Variants in ZFYVE1 observed in about 807,000 individuals in gnomAD.
ZFYVE1 encodes zinc finger FYVE domain-containing protein 1.
A neutral mutation model predicts 74.4 loss-of-function variants in ZFYVE1; 30 were observed. That is an observed-to-expected ratio of 0.40 (90% CI 0.30 to 0.55). ZFYVE1 has a LOEUF of 0.55. Ranked by LOEUF, ZFYVE1 falls within the 20% of genes least tolerant of loss-of-function variation. ZFYVE1 has a pLI of 0.42. For synonymous variants in ZFYVE1, 335 were observed against 385.1 expected, an observed-to-expected ratio of 0.87 and a Z score of 1.52; for missense variants, 703 against 1,011.6, an observed-to-expected ratio of 0.69 and a Z score of 4.14.
intron 4 of ZFYVE1, 145 bp from the exon 5 acceptor site, chr14:72,982,040 C>T (rs1893346846): frequency 1.5e-6 from 1 of 676,190 alleles, no homozygotes; most frequent in South Asian, 1.7e-5. Context: ...CCTGACCCCA[C>T]TCACATCAGT....
At chr14:72,979,152 C>G (rs1893258333) in intron 5 of ZFYVE1, 183 bp from the exon 6 acceptor site, 1 of 585,904 alleles carries the variant, frequency 1.7e-6, no homozygotes, top group Admixed American at 2.6e-5. Context: ...CACTTGCAAT[C>G]AACAGCACTA....
chr14:73,003,008 C>G (rs1310875180), intron 2 of ZFYVE1, among the ~76,000 whole-genome samples: 1 of 149,778 alleles, frequency 6.7e-6, no homozygotes, highest in Non-Finnish European at 1.5e-5. Flanking sequence ...TCCCAAAGCA[C>G]TGGGATTACA....
intron 2 of ZFYVE1, among the ~76,000 whole-genome samples, chr14:73,023,810 A>G (rs961623229): frequency 2.6e-5 from 4 of 152,136 alleles, no homozygotes; most frequent in African/African-American, 9.7e-5. Flanking sequence ...CCCCCATTTT[A>G]TAGATGAAAA....
intron 3 of ZFYVE1, among the ~76,000 whole-genome samples, chr14:72,994,419 AG>A (rs376768348): frequency 1.1e-4 from 17 of 151,102 alleles, no homozygotes; most frequent in African/African-American, 4.2e-4. Flanking sequence ...GTGAGAACTC[AG>A]GTTACCCTTT....
intron 8 of ZFYVE1, among the ~76,000 whole-genome samples, chr14:72,977,413 C>T (rs1893203895): frequency 1.3e-5 from 2 of 150,404 alleles, no homozygotes; most frequent in African/African-American, 4.9e-5. Flanking sequence ...GAAACTCCGT[C>T]TCAAAAAAAA....
chr14:72,976,322 C>T (rs2140343849), intron 8 of ZFYVE1, among the ~76,000 whole-genome samples: 1 of 152,230 alleles, frequency 6.6e-6, no homozygotes, highest in African/African-American at 2.4e-5. Context: ...GTCCTGTTTT[C>T]CTGGAACATA....
At chr14:72,990,556 G>A (rs184527039) in intron 4 of ZFYVE1, among the ~76,000 whole-genome samples, 55 of 149,884 alleles carry the variant, frequency 3.7e-4, no homozygotes, top group Non-Finnish European at 5.5e-4. Context: ...ACCACCACGC[G>A]CAGCTAATTT....
In ZFYVE1 at chr14:72,993,132, A is replaced by G; in HGVS notation, c.1203+11T>C. ...CCCAATGAGAAGCCCTTGGGGCACAAGCCAACTGACCTTCAGGGCTTTGAA... is the reference window on the plus strand; with the variant it reads ...CCCAATGAGAAGCCCTTGGGGCACAGGCCAACTGACCTTCAGGGCTTTGAA... On this transcript the variant is annotated intron_variant, in intron 4 of 11. Transcript: ENST00000556143. The G allele has an allele frequency of 6.3e-7, 1 of 1,586,196 alleles. No individual in the cohort carries two copies. Among genetic ancestry groups the G allele is most frequent in the Non-Finnish European group, 8.6e-7 (1 of 1,163,574 alleles).
intron 4 of ZFYVE1, among the ~76,000 whole-genome samples, chr14:72,992,825 G>C (rs1022290731): frequency 2.0e-5 from 3 of 151,934 alleles, no homozygotes; most frequent in Non-Finnish European, 4.4e-5. Context: ...AAGCATAAAG[G>C]CTGTCCAGAT....
chr14:73,015,027 T>C (rs1406561021), intron 2 of ZFYVE1, among the ~76,000 whole-genome samples: 2 of 151,678 alleles, frequency 1.3e-5, no homozygotes, highest in African/African-American at 4.8e-5. Context: ...GGTCTGGAGT[T>C]TGAGACCAGC....
At chr14:73,026,591 C>T (rs1894466062) in intron 1 of ZFYVE1, among the ~76,000 whole-genome samples, 1 of 152,168 alleles carries the variant, frequency 6.6e-6, no homozygotes, top group African/African-American at 2.4e-5. Flanking sequence ...ACACCTCACG[C>T]CCGGCCATGT....
intron 2 of ZFYVE1, among the ~76,000 whole-genome samples, chr14:73,003,019 G>A (rs111399530): frequency 0.069 from 10,328 of 149,544 alleles, 513 homozygotes; most frequent in South Asian, 0.19. Flanking sequence ...TGGGATTACA[G>A]GTGTGACCAC....
Position 72,969,965 on chromosome 14 carries a change from TTAAAA to T in ZFYVE1, c.*912_*916del, listed in dbSNP as rs138078318. 0.085 allele frequency: 45,355 copies of T among 533,030 alleles called. 2,480 individuals are homozygous for T. The highest frequency in any genetic ancestry group is 0.19 in the South Asian group (7,247 of 38,044). 33.0% of individuals were successfully genotyped at this position (533,030 alleles called of 1,614,324 possible). Reference sequence around the variant, plus strand: ...TCTGGGAACAAAGGATTAAGACACTTTAAAATAAGCAATGAAAATCCTAGTGCGAC... The same window carrying T: ...TCTGGGAACAAAGGATTAAGACACTTTAAGCAATGAAAATCCTAGTGCGAC... On this transcript the variant is annotated 3_prime_UTR_variant, in exon 12 of 12. Transcript: ENST00000556143.
At chr14:73,014,184 G>A (rs988980463) in intron 2 of ZFYVE1, among the ~76,000 whole-genome samples, 21 of 152,114 alleles carry the variant, frequency 1.4e-4, no homozygotes, top group African/African-American at 3.9e-4. Flanking sequence ...CAGTGGTTTC[G>A]ATGGCTTACA....
intron 4 of ZFYVE1, among the ~76,000 whole-genome samples, chr14:72,992,630 T>TCCCCCCCCCCAC (rs1324391955): frequency 1.8e-5 from 1 of 55,308 alleles, no homozygotes; most frequent in African/African-American, 7.1e-5. Flanking sequence ...CCCCGCCCCT[T>TCCCCCCCCCCAC]GCAAGAGAGA....
intron 3 of ZFYVE1, among the ~76,000 whole-genome samples, chr14:72,996,021 G>T (rs1893740865): frequency 6.6e-6 from 1 of 152,108 alleles, no homozygotes; most frequent in African/African-American, 2.4e-5. Context: ...CCATACTTGA[G>T]AACTGAGTCA....
intron 11 of ZFYVE1, among the ~76,000 whole-genome samples, chr14:72,972,020 G>A (rs899710689): frequency 2.6e-5 from 4 of 152,064 alleles, no homozygotes; most frequent in Admixed American, 1.3e-4. Flanking sequence ...TCAGGAGTTC[G>A]AGACCAGCCT....
Position 72,982,065 on chromosome 14 carries a change from A to G in ZFYVE1, c.1204-170T>C, listed in dbSNP as rs77803536. ...CTCACATCAGTCCTTACCATGGGAA[A>G]CCTTGGAAAGAACCAGCCCATTCCC... is the stretch of plus-strand genomic sequence containing the variant. On this transcript the variant is annotated intron_variant, in intron 4 of 11. Transcript: ENST00000556143. Among the ~76,000 whole-genome samples, 814 of 152,340 alleles carry G rather than the reference A, an allele frequency of 5.3e-3. 4 individuals are homozygous for G. Among genetic ancestry groups the G allele is most frequent in the African/African-American group, 0.019 (789 of 41,576 alleles).
rs578198348 is a variant in ZFYVE1, at chr14:73,010,828, G to A, written c.484-12513C>T. Reference sequence around the variant, plus strand: ...AACAAAAAAAAAAATTATAGAGTCAGGGTTGGACTCTTACATTTCATTGAA... The same window carrying A: ...AACAAAAAAAAAAATTATAGAGTCAAGGTTGGACTCTTACATTTCATTGAA... On this transcript the variant is annotated intron_variant, in intron 2 of 11. Transcript: ENST00000556143. 4.6e-3 allele frequency among the ~76,000 whole-genome samples: 689 copies of A among 148,608 alleles called. 14 individuals are homozygous for A. The South Asian group carries it at 0.06, about 13-fold the overall frequency.
Sources: gnomAD v4.1 joint callset for allele counts (sites outside exome capture counted in the v4.1 genomes callset) on GRCh38, gnomAD v4.1.1 for gene constraint, MANE v1.5 for transcripts, NCBI Gene and HGNC (gene_info 2026-07-23, HGNC 2026-07-21) for gene names.